Variants in NKX2-2 observed in about 807,000 individuals in gnomAD.
The protein encoded by NKX2-2 is homeobox protein Nkx-2.2.
A neutral mutation model predicts 24.6 loss-of-function variants in NKX2-2; 8 were observed. The ratio of observed to expected loss-of-function variants is 0.32; its 90% CI spans 0.19 to 0.59. The LOEUF (loss-of-function observed/expected upper bound fraction) is 0.59, where lower values mean the gene tolerates loss of function less well. NKX2-2 is among the 20% of genes least tolerant of loss of function. NKX2-2 has a pLI of 0.86. For synonymous variants in NKX2-2, 217 were observed against 173.3 expected (o/e 1.25, Z -1.98); for missense variants, 381 against 373.9 (o/e 1.02, Z -0.16).
chr20:21,511,962 T>A lies in NKX2-2; in HGVS notation c.783A>T (p.Thr261=). The A allele has an allele frequency of 6.2e-7, 1 of 1,606,534 alleles. No homozygotes were observed. Among genetic ancestry groups the A allele is most frequent in the South Asian group, 1.1e-5 (1 of 90,962 alleles). The change falls in exon 2 of 2, where the codon ACA becomes ACT. Residue 261 remains threonine, a synonymous_variant. Coordinates refer to ENST00000377142, the MANE Select transcript of NKX2-2 (RefSeq NM_002509.4). ...YSSASTPQYP[T]AHPLVQAQQW... is the part of the protein sequence containing the mutation. ...GCTGGGCCTGGACCAGGGGGTGTGC[T>A]GTCGGGTACTGGGGGGTGCTGGCCG...
At chr20:21,521,186 C>T in the NKX2-2 span, among the ~76,000 whole-genome samples, 1 of 152,004 alleles carries the variant, frequency 6.6e-6, no homozygotes, top group Admixed American at 6.5e-5. Context: ...CAATGTGAGC[C>T]CCAGAGGTTC....
At chr20:21,522,150 G>A in the NKX2-2 span, among the ~76,000 whole-genome samples, 1 of 152,246 alleles carries the variant, frequency 6.6e-6, no homozygotes, top group Non-Finnish European at 1.5e-5. Flanking sequence ...GTCCTCGAGT[G>A]CTCGCCACTC....
chr20:21,521,234 C>G, the NKX2-2 span, among the ~76,000 whole-genome samples: 2 of 152,096 alleles, frequency 1.3e-5, no homozygotes, highest in African/African-American at 4.8e-5. Context: ...CTTTCCACCC[C>G]CAAGAGCCAC....
rs1007748824 is a variant in NKX2-2, at chr20:21,513,299, G to A, written c.259+112C>T. On this transcript the variant is annotated intron_variant, in intron 1 of 1. Transcript: ENST00000377142. This position sits in a 1 kb window ranked among gnomAD's most constrained non-coding sequence, Gnocchi z 4.6. The stretch of plus-strand genomic sequence containing the variant: ...AAAATCTTTCTACGGATCCGAGTGA[G>A]GGGGTCCGGGCTTACATGGCCCCTT... 4 of 1,164,184 alleles carry A rather than the reference G, an allele frequency of 3.4e-6. No homozygotes were observed. Among genetic ancestry groups the A allele is most frequent in the South Asian group, 1.9e-5 (1 of 53,738 alleles). The allele number at this position is 1,164,184 out of a possible 1,614,324, so 72.1% of individuals were successfully genotyped here. A position where few individuals can be genotyped will look rare whatever the true frequency, so the allele number is the denominator to read the frequency against.
chr20:21,517,412 A>G (rs531633080), upstream of NKX2-2, among the ~76,000 whole-genome samples: 13 of 151,960 alleles, frequency 8.6e-5, no homozygotes, highest in South Asian at 2.7e-3. Flanking sequence ...GGTCCACAGC[A>G]CTCAGCCTCT....
upstream of NKX2-2, among the ~76,000 whole-genome samples, chr20:21,514,509 G>A (rs1248546878): frequency 6.6e-6 from 1 of 151,764 alleles, no homozygotes; most frequent in East Asian, 1.9e-4. Context: ...AAAGGTGGGG[G>A]TGGGGAGGAG....
upstream of NKX2-2, among the ~76,000 whole-genome samples, chr20:21,517,528 T>A (rs1980670469): frequency 6.6e-6 from 1 of 152,182 alleles, no homozygotes; most frequent in South Asian, 2.1e-4. Context: ...GGGAGACCGC[T>A]GGGAGGTCCG....
upstream of NKX2-2, among the ~76,000 whole-genome samples, chr20:21,518,763 A>C (rs555922086): frequency 2.0e-4 from 31 of 152,288 alleles, no homozygotes; most frequent in African/African-American, 7.5e-4. Flanking sequence ...GCTCTAAACA[A>C]CAGCAAACCA....
intron 1 of NKX2-2, 75 bp from the exon 2 acceptor site, chr20:21,512,560 C>A: frequency 8.6e-7 from 1 of 1,167,608 alleles, no homozygotes; most frequent in Non-Finnish European, 1.2e-6. Context: ...TCGGAGCACC[C>A]TGGATCCTCC....
At chr20:21,512,559 C>A (rs1417647794) in intron 1 of NKX2-2, 74 bp from the exon 2 acceptor site, 2 of 1,164,382 alleles carry the variant, frequency 1.7e-6, no homozygotes, top group South Asian at 3.1e-5. Flanking sequence ...CTCGGAGCAC[C>A]CTGGATCCTC....
rs1478284764 is a variant in NKX2-2 at position 21,513,606 on chromosome 20, T to C, written c.64A>G (p.Asn22Asp). The C allele has an allele frequency of 3.7e-6, 6 of 1,613,124 alleles. No homozygotes were observed. Among genetic ancestry groups the C allele is most frequent in the Admixed American group, 3.3e-5 (2 of 59,916 alleles). The change falls in exon 1 of 2, where the codon AAC (asparagine) becomes GAC (aspartate). Residue 22 changes from asparagine (N) to aspartate (D), a missense_variant. This residue lies in a region of NKX2-2 where 206 missense variants were observed against 173.1 expected (regional missense o/e 1.19). Transcript: ENST00000377142. The surrounding 1 kb of genome is among the most constrained non-coding windows in gnomAD (Gnocchi z 4.6). ...TCGGCCACAGAGCCCTCCTCATCGTTGGTGTCCGGCAGGTCTAAGATGTCC... is the reference window on the plus strand; with the variant it reads ...TCGGCCACAGAGCCCTCCTCATCGTCGGTGTCCGGCAGGTCTAAGATGTCC... ...VKDILDLPDTNDEEGSVAEGP... is the reference protein window; with the variant it reads ...VKDILDLPDTDDEEGSVAEGP...
In NKX2-2 at chr20:21,513,418, C is replaced by T. The variant is rs531086584; in HGVS notation, c.252G>A (p.Gln84=). The change falls in exon 1 of 2, where the codon CAG becomes CAA. Residue 84 remains glutamine (Q), a synonymous_variant. Transcript: ENST00000377142. This position sits in a 1 kb window ranked among gnomAD's most constrained non-coding sequence, Gnocchi z 4.6. Reference sequence around the variant, plus strand: ...CCAAGTTTTGCTACTTACGGGAGTACTGAAGGCCCTCGGTGCTGGCCAGCC... The same window carrying T: ...CCAAGTTTTGCTACTTACGGGAGTATTGAAGGCCCTCGGTGCTGGCCAGCC... The part of the protein sequence containing the change: ...TRWLASTEGL[Q]YSLHGLAAGA... 1.9e-6 allele frequency: 3 copies of T among 1,565,196 alleles called. No homozygotes were observed. Among genetic ancestry groups the T allele is most frequent in the Admixed American group, 3.7e-5 (2 of 53,468 alleles).
At chr20:21,515,917 C>T (rs889306287), upstream of NKX2-2, among the ~76,000 whole-genome samples, 3 of 152,328 alleles carry the variant, frequency 2.0e-5, no homozygotes, top group South Asian at 2.1e-4. Flanking sequence ...CAGTATGTGA[C>T]GTGGGTGACA....
At position 21,512,249 on chromosome 20, in the gene NKX2-2, G is replaced by T. The variant is rs375540703; in HGVS notation, c.496C>A (p.Arg166Ser). Residue 166 changes from arginine to serine, a missense_variant, in exon 2 of 2, where the codon CGC (arginine) becomes AGC (serine). Transcript: ENST00000377142. ...PEREHLASLI[R>S]LTPTQVKIWF... Reference sequence around the variant, plus strand: ...ATCTTGACCTGCGTGGGCGTGAGGCGGATGAGGCTGGCCAGGTGTTCGCGC... The same window carrying T: ...ATCTTGACCTGCGTGGGCGTGAGGCTGATGAGGCTGGCCAGGTGTTCGCGC... The T allele has an allele frequency of 6.2e-7, 1 of 1,613,982 alleles. No homozygotes were observed. The highest frequency in any genetic ancestry group is 8.5e-7 in the Non-Finnish European group (1 of 1,179,950).
Position 21,512,585 on chromosome 20 carries a change from C to T in NKX2-2, c.260-100G>A, listed in dbSNP as rs1980481348. On this transcript the variant is annotated intron_variant, in intron 1 of 1. Coordinates refer to ENST00000377142, the MANE Select transcript of NKX2-2 (RefSeq NM_002509.4). ...CTGGATCCTCCGTGCGACCCTGGAC[C>T]TCCGCGCCTGGCAGCCCAGCCCCGC... 4.3e-6 allele frequency: 4 copies of T among 932,610 alleles called. No homozygotes were observed. In the Admixed American group the frequency reaches 8.7e-5, roughly 20 times the overall value. 57.8% of individuals were successfully genotyped at this position (932,610 alleles called of 1,614,324 possible).
chr20:21,515,542 G>C (rs1217889701), upstream of NKX2-2, among the ~76,000 whole-genome samples: 1 of 151,912 alleles, frequency 6.6e-6, no homozygotes. Context: ...CTCGGCGCTG[G>C]GGTTGGAAAA....
At chr20:21,521,898 C>T in the NKX2-2 span, among the ~76,000 whole-genome samples, 1 of 152,198 alleles carries the variant, frequency 6.6e-6, no homozygotes, top group African/African-American at 2.4e-5. Flanking sequence ...GGACCCCCCT[C>T]GCTCTGCGCC....
rs896739405 is a variant in NKX2-2, at chr20:21,511,783, G to C, written c.*140C>G. The C allele has an allele frequency of 1.5e-6, 1 of 648,336 alleles. No homozygotes were observed. Among genetic ancestry groups the C allele is most frequent in the African/African-American group, 1.9e-5 (1 of 53,776 alleles). 40.2% of individuals were successfully genotyped at this position (648,336 alleles called of 1,614,324 possible). A position where few individuals can be genotyped will look rare whatever the true frequency, so the allele number is the denominator to read the frequency against. On this transcript the variant is annotated 3_prime_UTR_variant, in exon 2 of 2. Transcript: ENST00000377142. ...CAGGCAACCTCCCGGCGCCTCCCTA[G>C]TGGAGCCGAGAGTCAACTCGACTCC...
the NKX2-2 span, among the ~76,000 whole-genome samples, chr20:21,522,265 A>G: frequency 2.0e-5 from 3 of 152,142 alleles, no homozygotes; most frequent in Non-Finnish European, 4.4e-5. Context: ...AGGACCCGGG[A>G]GAGCGAGGGG....
Sources: gnomAD v4.1 joint callset for allele counts (sites outside exome capture counted in the v4.1 genomes callset) on GRCh38, gnomAD v4.1.1 for gene constraint, gnomAD v4.1.1 regional missense constraint, Gnocchi (gnomAD v3.1) non-coding constraint, MANE v1.5 for transcripts, NCBI Gene and HGNC (gene_info 2026-07-23, HGNC 2026-07-21) for gene names.